The following DRC11 variants were observed in gnomAD, a reference collection of about 807,000 sequenced individuals.
DRC11 encodes IQ and AAA domain-containing protein 1.
chr2:236,457,596 C>T, the DRC11 span, among the ~76,000 whole-genome samples: 6 of 152,098 alleles, frequency 3.9e-5, no homozygotes, highest in Admixed American at 2.0e-4. This position sits in a 1 kb window ranked among gnomAD's most constrained non-coding sequence, Gnocchi z 4.7. Flanking sequence ...GTTTTGTAGG[C>T]GTGATTAAGA....
chr2:236,429,815 A>C, the DRC11 span, among the ~76,000 whole-genome samples: 1 of 152,112 alleles, frequency 6.6e-6, no homozygotes, highest in Admixed American at 6.5e-5. The surrounding 1 kb of genome is among the most constrained non-coding windows in gnomAD (Gnocchi z 5.9). Context: ...GCACCTGGAG[A>C]CTGTGAAGGT....
the DRC11 span, among the ~76,000 whole-genome samples, chr2:236,435,350 C>T: frequency 2.6e-5 from 4 of 152,226 alleles, no homozygotes; most frequent in African/African-American, 7.2e-5. Flanking sequence ...CGGCTCTGGC[C>T]GGCCGCCTGC....
At chr2:236,462,979 G>C in the DRC11 span, among the ~76,000 whole-genome samples, 3 of 152,042 alleles carry the variant, frequency 2.0e-5, no homozygotes, top group African/African-American at 7.2e-5. This position sits in a 1 kb window ranked among gnomAD's most constrained non-coding sequence, Gnocchi z 6.4. Flanking sequence ...TTTTTACTGT[G>C]AGCCATTTTT....
At chr2:236,437,456 C>A in the DRC11 span, among the ~76,000 whole-genome samples, 2 of 151,510 alleles carry the variant, frequency 1.3e-5, no homozygotes, top group Non-Finnish European at 2.9e-5. Flanking sequence ...GGTATATACC[C>A]AGTAATGGGA....
At chr2:236,481,724 C>T in the DRC11 span, among the ~76,000 whole-genome samples, 1 of 151,976 alleles carries the variant, frequency 6.6e-6, no homozygotes, top group Non-Finnish European at 1.5e-5. Flanking sequence ...ATTAAAACAT[C>T]AGCTTTATTC....
chr2:236,375,706 T>G, the DRC11 span, among the ~76,000 whole-genome samples: 14 of 152,246 alleles, frequency 9.2e-5, no homozygotes, highest in Non-Finnish European at 2.1e-4. This position sits in a 1 kb window ranked among gnomAD's most constrained non-coding sequence, Gnocchi z 4.2. Flanking sequence ...CAAAATTGGG[T>G]CAATGTAAAT....
At chr2:236,312,030 T>A in the DRC11 span, among the ~76,000 whole-genome samples, 1 of 152,234 alleles carries the variant, frequency 6.6e-6, no homozygotes, top group Non-Finnish European at 1.5e-5. Flanking sequence ...TTTTCTATAA[T>A]ATTTTAAATC....
chr2:236,461,525 C>T, the DRC11 span, among the ~76,000 whole-genome samples: 197 of 152,334 alleles, frequency 1.3e-3, 1 homozygote, highest in African/African-American at 4.5e-3. This position sits in a 1 kb window ranked among gnomAD's most constrained non-coding sequence, Gnocchi z 4.0. Context: ...TTGCACCATT[C>T]ACTGCTTATT....
chr2:236,316,145 T>TTCTCTCTCTCTCTCTCTCTCTCTCTC, the DRC11 span, among the ~76,000 whole-genome samples: 56 of 146,204 alleles, frequency 3.8e-4, no homozygotes, highest in African/African-American at 1.2e-3. This position sits in a 1 kb window ranked among gnomAD's most constrained non-coding sequence, Gnocchi z 6.8. Flanking sequence ...ACTTATTTTC[T>TTCTCTCTCTCTCTCTCTCTCTCTCTC]TCTCTCTCTC....
chr2:236,443,959 C>A, the DRC11 span, among the ~76,000 whole-genome samples: 1 of 150,536 alleles, frequency 6.6e-6, no homozygotes, highest in Admixed American at 6.6e-5. This position sits in a 1 kb window ranked among gnomAD's most constrained non-coding sequence, Gnocchi z 4.4. Flanking sequence ...CTTGTTTTGA[C>A]ATATTTGTTG....
chr2:236,506,222 C>G, the DRC11 span, among the ~76,000 whole-genome samples: 1 of 152,198 alleles, frequency 6.6e-6, no homozygotes, highest in African/African-American at 2.4e-5. The surrounding 1 kb of genome is among the most constrained non-coding windows in gnomAD (Gnocchi z 4.9). Flanking sequence ...TTCCCCCAGC[C>G]TTACTGTGGA....
the DRC11 span, among the ~76,000 whole-genome samples, chr2:236,506,597 C>G: frequency 2.6e-5 from 4 of 152,338 alleles, no homozygotes; most frequent in East Asian, 7.7e-4. This position sits in a 1 kb window ranked among gnomAD's most constrained non-coding sequence, Gnocchi z 4.9. Flanking sequence ...CCTCTTCATC[C>G]CCAAGTTCCC....
chr2:236,308,352 C>A, the DRC11 span, among the ~76,000 whole-genome samples: 2 of 152,254 alleles, frequency 1.3e-5, no homozygotes, highest in Non-Finnish European at 2.9e-5. The surrounding 1 kb of genome is among the most constrained non-coding windows in gnomAD (Gnocchi z 6.0). Context: ...GAGGCCGTGT[C>A]CCCTGGTCTG....
chr2:236,387,234 C>A, the DRC11 span, among the ~76,000 whole-genome samples: 1 of 147,896 alleles, frequency 6.8e-6, no homozygotes, highest in Non-Finnish European at 1.5e-5. Flanking sequence ...CTTTCTGTCT[C>A]GTTGATCTGT....
chr2:236,422,962 A>T, the DRC11 span, among the ~76,000 whole-genome samples: 187 of 152,192 alleles, frequency 1.2e-3, 1 homozygote, highest in African/African-American at 3.4e-3. Context: ...AGGATTCCCT[A>T]TTTAATAAAT....
the DRC11 span, among the ~76,000 whole-genome samples, chr2:236,416,069 T>C: frequency 6.6e-6 from 1 of 151,992 alleles, no homozygotes; most frequent in Admixed American, 6.6e-5. Context: ...TCGGGTTCCC[T>C]GGAAACACTC....
the DRC11 span, chr2:236,344,570 T>A: frequency 1.9e-6 from 3 of 1,613,184 alleles, no homozygotes; most frequent in African/African-American, 2.7e-5. Context: ...CTTTTCTGCG[T>A]TGGGAACTTT....
the DRC11 span, among the ~76,000 whole-genome samples, chr2:236,376,225 T>G: frequency 6.6e-6 from 1 of 152,208 alleles, no homozygotes; most frequent in African/African-American, 2.4e-5. This position sits in a 1 kb window ranked among gnomAD's most constrained non-coding sequence, Gnocchi z 5.7. Context: ...AGACAGTCTG[T>G]GCACAGCTCA....
At chr2:236,340,693 G>C in the DRC11 span, among the ~76,000 whole-genome samples, 3 of 152,190 alleles carry the variant, frequency 2.0e-5, no homozygotes, top group South Asian at 2.1e-4. Flanking sequence ...CAGCAACCCA[G>C]TTGCCATGGT....
Sources: allele counts gnomAD v4.1 joint callset (sites outside exome capture counted in the v4.1 genomes callset), GRCh38; gene constraint gnomAD v4.1.1; non-coding constraint Gnocchi (gnomAD v3.1); transcripts MANE v1.5; gene names NCBI Gene and HGNC (gene_info 2026-07-23, HGNC 2026-07-21).